MKNK1: variants seen among roughly 807,000 people sequenced by gnomAD.
MKNK1 encodes the protein MAP kinase-interacting serine/threonine-protein kinase 1.
MKNK1 carries 30 observed loss-of-function variants against 49.3 expected under a neutral mutation model. That is an observed-to-expected ratio of 0.61 (90% CI 0.46 to 0.83). The LOEUF (loss-of-function observed/expected upper bound fraction) is 0.83, where lower values mean the gene tolerates loss of function less well. MKNK1 is among the 40% of genes least tolerant of loss of function. The pLI, the probability that MKNK1 is intolerant of heterozygous loss-of-function variation, is 0.00. For missense variants in MKNK1, 423 were observed against 524.7 expected (o/e 0.81, Z 1.89); for synonymous variants, 176 against 201.7 (o/e 0.87, Z 1.08).
In MKNK1 at chr1:46,562,597, C is replaced by T. The variant is rs1570021370; in HGVS notation, c.804+52G>A. 5.3e-6 allele frequency: 8 copies of T among 1,513,658 alleles called. No homozygotes were observed. The East Asian group carries it at 2.0e-4, about 38-fold the overall frequency. The allele number at this position is 1,513,658 out of a possible 1,614,324, so 93.8% of individuals were successfully genotyped here. On this transcript the variant is annotated intron_variant, in intron 10 of 12. Transcript: ENST00000371945. The stretch of plus-strand genomic sequence containing the variant: ...CCCAGTCCTGCTTGGCATCCCCCAA[C>T]CACACTGACCCCTAGCAGGGTCTAC...
At chr1:46,579,661 T>G (rs972068966) in intron 4 of MKNK1, among the ~76,000 whole-genome samples, 15 of 152,160 alleles carry the variant, frequency 9.9e-5, no homozygotes, top group African/African-American at 3.1e-4. Flanking sequence ...CTTCTATTTC[T>G]AACAAGTTCC....
rs1553192686 is a variant in MKNK1 at position 46,557,887 on chromosome 1, C to CA, written c.*687_*688insT. Reference sequence around the variant, plus strand: ...GAACAGCATGGTTAAAAACACCAAACTTTTTTTTTAAAAAAACGATACTAC... The same window carrying CA: ...GAACAGCATGGTTAAAAACACCAAACATTTTTTTTTAAAAAAACGATACTAC... On this transcript the variant is annotated 3_prime_UTR_variant, in exon 13 of 13. Transcript: ENST00000371945. 6 of 152,032 alleles carry CA rather than the reference C, an allele frequency of 3.9e-5. No individual in the cohort carries two copies. Among genetic ancestry groups the CA allele is most frequent in the Non-Finnish European group, 8.8e-5 (6 of 67,976 alleles). 9.4% of individuals were successfully genotyped at this position (152,032 alleles called of 1,614,324 possible). A position where few individuals can be genotyped will look rare whatever the true frequency, so the allele number is the denominator to read the frequency against.
At chr1:46,581,264 G>A (rs1310786507) in intron 3 of MKNK1, among the ~76,000 whole-genome samples, 1 of 152,080 alleles carries the variant, frequency 6.6e-6, no homozygotes, top group African/African-American at 2.4e-5. Flanking sequence ...TGTAGTCCCG[G>A]CACTTTGGGA....
chr1:46,586,447 C>T (rs879192022), intron 2 of MKNK1, among the ~76,000 whole-genome samples: 10 of 152,150 alleles, frequency 6.6e-5, no homozygotes, highest in African/African-American at 1.4e-4. Context: ...AGAAGCTCCA[C>T]GAGGGCACTG....
chr1:46,585,612 T>G (rs773135023), intron 2 of MKNK1: 1 of 340,720 alleles, frequency 2.9e-6, no homozygotes, highest in Admixed American at 3.8e-5. Flanking sequence ...CTGTCCACAC[T>G]TTGATGGAGG....
intron 10 of MKNK1, 53 bp from the exon 11 acceptor site, chr1:46,561,695 T>A: frequency 6.3e-7 from 1 of 1,585,214 alleles, no homozygotes; most frequent in Non-Finnish European, 8.6e-7. Context: ...GGGCAGGATG[T>A]GCCTGTCATT....
At position 46,562,669 on chromosome 1, in the gene MKNK1, C is replaced by CT; in HGVS notation, c.783_784insA (p.Glu262ArgfsTer12). The CT allele has an allele frequency of 6.4e-7, 1 of 1,555,588 alleles. No individual in the cohort carries two copies. The highest frequency in any genetic ancestry group is 8.7e-7 in the Non-Finnish European group (1 of 1,149,158). Reference sequence around the variant, plus strand: ...CTCACCTGGCACACCCTGCAGACCTCGCCCCGGTCCCAGCCACAGTCGGCC... The same window carrying CT: ...CTCACCTGGCACACCCTGCAGACCTCTGCCCCGGTCCCAGCCACAGTCGGCC... On this transcript the variant is annotated frameshift_variant, in exon 10 of 13. Coordinates refer to ENST00000371945, the MANE Select transcript of MKNK1 (RefSeq NM_001135553.4). LOFTEE classifies it high-confidence loss of function.
At chr1:46,601,740 G>C (rs918810227) in intron 1 of MKNK1, among the ~76,000 whole-genome samples, 19 of 152,100 alleles carry the variant, frequency 1.2e-4, no homozygotes, top group Non-Finnish European at 2.1e-4. Flanking sequence ...ATAAAACAAG[G>C]GCCAAACCTA....
intron 10 of MKNK1, among the ~76,000 whole-genome samples, chr1:46,561,993 C>T (rs897137618): frequency 6.6e-6 from 1 of 152,208 alleles, no homozygotes; most frequent in Non-Finnish European, 1.5e-5. Flanking sequence ...CTACTCCACT[C>T]TTCCTTCCTA....
At chr1:46,568,684 T>C (rs1164787345) in intron 7 of MKNK1, 186 bp from the exon 8 acceptor site, 2 of 606,074 alleles carry the variant, frequency 3.3e-6, no homozygotes, top group Non-Finnish European at 5.8e-6. Flanking sequence ...CAGTTGATTC[T>C]GCGGGTTCTT....
At chr1:46,581,769 A>G (rs3766236) in intron 3 of MKNK1, among the ~76,000 whole-genome samples, 46,908 of 151,964 alleles carry the variant, frequency 0.31, 7,255 homozygotes, top group Admixed American at 0.38. Context: ...TGCAAAGGAC[A>G]CCTTGAGGTT....
chr1:46,574,733 T>G, intron 6 of MKNK1: 1 of 528,064 alleles, frequency 1.9e-6, no homozygotes, highest in Non-Finnish European at 3.3e-6. Flanking sequence ...AAAAGGCATT[T>G]ATAAAATACC....
intron 12 of MKNK1, among the ~76,000 whole-genome samples, chr1:46,559,286 G>A (rs1667512036): frequency 6.6e-6 from 1 of 152,232 alleles, no homozygotes; most frequent in African/African-American, 2.4e-5. Context: ...GCATCTAAAG[G>A]CATCTGGAGG....
intron 1 of MKNK1, among the ~76,000 whole-genome samples, chr1:46,596,333 G>GAAATAAA (rs1674061571): frequency 2.6e-5 from 4 of 152,060 alleles, no homozygotes; most frequent in Non-Finnish European, 4.4e-5. Flanking sequence ...ATAAAATATT[G>GAAATAAA]ATCTTTTCTT....
intron 1 of MKNK1, among the ~76,000 whole-genome samples, chr1:46,599,232 G>C (rs1264430459): frequency 6.6e-6 from 1 of 152,188 alleles, no homozygotes; most frequent in African/African-American, 2.4e-5. Flanking sequence ...AGCAGGTGCA[G>C]GACTTGAATG....
intron 4 of MKNK1, 109 bp from the exon 5 acceptor site, chr1:46,576,763 C>T (rs1671026775): frequency 2.1e-6 from 2 of 942,206 alleles, no homozygotes; most frequent in African/African-American, 1.6e-5. Context: ...AATCCAGTGT[C>T]CAGCAGAAGT....
chr1:46,585,004 G>A lies in MKNK1; in HGVS notation c.-2-1675C>T, dbSNP rs138875596. Among the ~76,000 whole-genome samples the A allele has an allele frequency of 7.5e-3, 1,146 of 151,948 alleles. 11 individuals are homozygous for A. Among genetic ancestry groups the A allele is most frequent in the African/African-American group, 0.026 (1,080 of 41,474 alleles). ...CATGGCTCACGCCTGTAATCCCAGC[G>A]CTTTGGGATGCCGAGGTAGGCAGAT... On this transcript the variant is annotated intron_variant, in intron 2 of 12. Coordinates refer to ENST00000371945, the MANE Select transcript of MKNK1 (RefSeq NM_001135553.4).
intron 12 of MKNK1, 151 bp from the exon 13 acceptor site, chr1:46,558,951 G>T: frequency 1.5e-6 from 1 of 660,272 alleles, no homozygotes; most frequent in Non-Finnish European, 2.6e-6. Flanking sequence ...AGTAGTTCTT[G>T]CCTAGGTTTG....
chr1:46,586,896 CT>C (rs768626891), intron 2 of MKNK1, among the ~76,000 whole-genome samples: 2 of 152,196 alleles, frequency 1.3e-5, no homozygotes, highest in Non-Finnish European at 2.9e-5. Context: ...CAACCTCTGC[CT>C]CCCGGGTTCA....
Sources: gnomAD v4.1 joint callset for allele counts (sites outside exome capture counted in the v4.1 genomes callset) on GRCh38, gnomAD v4.1.1 for gene constraint, MANE v1.5 for transcripts, NCBI Gene and HGNC (gene_info 2026-07-23, HGNC 2026-07-21) for gene names.